Variants in NRG1 observed in about 807,000 individuals in gnomAD.
NRG1 encodes neuregulin 1.
A neutral mutation model predicts 63.8 loss-of-function variants in NRG1; 18 were observed. The ratio of observed to expected loss-of-function variants is 0.28; its 90% CI spans 0.19 to 0.42. The LOEUF (loss-of-function observed/expected upper bound fraction) is 0.42. Ranked by LOEUF, NRG1 falls within the 10% of genes least tolerant of loss-of-function variation. NRG1 has a pLI of 1.00. For missense variants in NRG1, 762 were observed against 814.7 expected (o/e 0.94, Z 0.79); for synonymous variants, 302 against 301.3 (o/e 1.00, Z -0.02).
At chr8:32,230,832 G>C (rs1033323531) in intron 1 of NRG1, among the ~76,000 whole-genome samples, 3 of 151,828 alleles carry the variant, frequency 2.0e-5, no homozygotes, top group African/African-American at 7.2e-5. Flanking sequence ...GGGCAATTGG[G>C]GTGTCCATCA....
chr8:32,739,605 A>G (rs1825873362), intron 6 of NRG1, among the ~76,000 whole-genome samples: 1 of 152,138 alleles, frequency 6.6e-6, no homozygotes, highest in Admixed American at 6.5e-5. Context: ...GCAGTTAGAA[A>G]ATTGATTGGG....
intron 1 of NRG1, among the ~76,000 whole-genome samples, chr8:32,153,934 G>A (rs750736064): frequency 6.6e-6 from 1 of 152,144 alleles, no homozygotes; most frequent in African/African-American, 2.4e-5. Flanking sequence ...TGAGCTTCCC[G>A]ATAAGACAAC....
intron 3 of NRG1, among the ~76,000 whole-genome samples, chr8:32,613,580 G>A (rs965306760): frequency 7.2e-5 from 11 of 151,860 alleles, no homozygotes; most frequent in East Asian, 1.9e-4. Flanking sequence ...TAGGATTCTC[G>A]GTTAGATCTC....
chr8:32,609,051 C>T (rs1390877971), intron 3 of NRG1, among the ~76,000 whole-genome samples: 2 of 152,048 alleles, frequency 1.3e-5, no homozygotes, highest in African/African-American at 2.4e-5. Context: ...AGGGTGGAGC[C>T]GGAAACATAG....
At chr8:31,898,998 T>C (rs1162452802) in intron 1 of NRG1, among the ~76,000 whole-genome samples, 1 of 152,226 alleles carries the variant, frequency 6.6e-6, no homozygotes, top group African/African-American at 2.4e-5. Flanking sequence ...TTCCAAAATG[T>C]ATTCAGATTG....
At chr8:32,021,038 T>C (rs1563687934) in intron 1 of NRG1, among the ~76,000 whole-genome samples, 1 of 152,254 alleles carries the variant, frequency 6.6e-6, no homozygotes, top group Admixed American at 6.5e-5. Context: ...AGTCCATTAC[T>C]ATTTTCAAAG....
chr8:32,485,093 A>G (rs1346291492), intron 1 of NRG1, among the ~76,000 whole-genome samples: 1 of 151,274 alleles, frequency 6.6e-6, no homozygotes, highest in Non-Finnish European at 1.5e-5. Flanking sequence ...AGTGCTCAGT[A>G]TAGTGTCTGC....
intron 1 of NRG1, among the ~76,000 whole-genome samples, chr8:31,981,507 T>G (rs1213234137): frequency 1.3e-5 from 2 of 152,030 alleles, no homozygotes; most frequent in Admixed American, 1.3e-4. Context: ...TTTTCCACCT[T>G]GCAAATAGAA....
At position 31,791,114 on chromosome 8, in the gene NRG1, C is replaced by T. The variant is rs114970756; in HGVS notation, c.37+151683C>T. The stretch of plus-strand genomic sequence containing the variant: ...GTCCCAGCTACCGGGAAGGCTGAGG[C>T]GCAAGAATCCATTGAGCCTGGGAGG... On this transcript the variant is annotated intron_variant, in intron 1 of 10. Transcript: ENST00000519301. Among the ~76,000 whole-genome samples, 325 of 150,542 alleles carry T rather than the reference C, an allele frequency of 2.2e-3. 3 individuals carry two copies. The highest frequency in any genetic ancestry group is 7.4e-3 in the African/African-American group (304 of 40,844).
At position 32,742,963 on chromosome 8, in the gene NRG1, G is replaced by C. The variant is rs1278924192; in HGVS notation, c.691+230G>C. The C allele has an allele frequency of 7.3e-7, 1 of 1,360,648 alleles. No homozygotes were observed. Among genetic ancestry groups the C allele is most frequent in the African/African-American group, 1.5e-5 (1 of 68,862 alleles). 84.3% of individuals were successfully genotyped at this position (1,360,648 alleles called of 1,614,324 possible). A position where few individuals can be genotyped will look rare whatever the true frequency, so the allele number is the denominator to read the frequency against. On this transcript the variant is annotated intron_variant, in intron 7 of 11. Transcript: ENST00000356819. The surrounding 1 kb of genome is among the most constrained non-coding windows in gnomAD (Gnocchi z 4.2). ...ATACTAATAGGTGTGTGAGGCTCCG[G>C]ATGTTTCTGGAATTGATATTGAATG...
At chr8:31,876,405 T>A (rs1177997716) in intron 1 of NRG1, among the ~76,000 whole-genome samples, 1 of 152,182 alleles carries the variant, frequency 6.6e-6, no homozygotes, top group East Asian at 1.9e-4. Flanking sequence ...TTCTATTCAT[T>A]TGAGTAACAA....
chr8:32,076,752 G>A (rs918347224), intron 1 of NRG1, among the ~76,000 whole-genome samples: 7 of 151,816 alleles, frequency 4.6e-5, no homozygotes, highest in African/African-American at 9.7e-5. Context: ...ATGTAGATGC[G>A]TACTTTGAGG....
intron 5 of NRG1, among the ~76,000 whole-genome samples, chr8:32,665,667 G>A (rs1803960107): frequency 6.6e-6 from 1 of 152,126 alleles, no homozygotes; most frequent in Non-Finnish European, 1.5e-5. Flanking sequence ...AAATGAAAGG[G>A]TGCAATTTCT....
chr8:32,754,425 G>A (rs771092162), exon 8 of NRG1: 20 of 1,613,736 alleles, frequency 1.2e-5, no homozygotes, highest in East Asian at 2.2e-5. Context: ...CATCTGCATC[G>A]CCCTCCTTGT....
chr8:32,149,763 C>T (rs1199702927), intron 1 of NRG1, among the ~76,000 whole-genome samples: 1 of 152,132 alleles, frequency 6.6e-6, no homozygotes, highest in Non-Finnish European at 1.5e-5. Flanking sequence ...AAATAGTTTT[C>T]TTCAGCCAGT....
chr8:32,216,521 A>T (rs1845245237), intron 1 of NRG1, among the ~76,000 whole-genome samples: 1 of 149,572 alleles, frequency 6.7e-6, no homozygotes, highest in South Asian at 2.1e-4. Flanking sequence ...TTACTAATAC[A>T]TCCAGTTTAG....
At chr8:32,718,695 T>G (rs976249122) in intron 5 of NRG1, among the ~76,000 whole-genome samples, 1 of 152,170 alleles carries the variant, frequency 6.6e-6, no homozygotes, top group South Asian at 2.1e-4. Flanking sequence ...ACATGACATT[T>G]ACTTTCTTAC....
intron 1 of NRG1, among the ~76,000 whole-genome samples, chr8:32,464,095 C>G (rs551620517): frequency 6.6e-6 from 1 of 151,250 alleles, no homozygotes; most frequent in African/African-American, 2.4e-5. Flanking sequence ...GGAGTTTCAC[C>G]GTGTTGGCCA....
intron 1 of NRG1, among the ~76,000 whole-genome samples, chr8:32,060,718 A>G (rs997080923): frequency 5.3e-5 from 8 of 151,940 alleles, no homozygotes; most frequent in African/African-American, 1.9e-4. Context: ...GTTTTCAGTC[A>G]TATCTTTTAT....
Sources: gnomAD v4.1 joint callset for allele counts (sites outside exome capture counted in the v4.1 genomes callset) on GRCh38, gnomAD v4.1.1 for gene constraint, Gnocchi (gnomAD v3.1) non-coding constraint, MANE v1.5 for transcripts, NCBI Gene and HGNC (gene_info 2026-07-23, HGNC 2026-07-21) for gene names.